Variants in RUSC2 observed in about 807,000 individuals in gnomAD.
The protein encoded by RUSC2 is RUN and SH3 domain containing 2.
A neutral mutation model predicts 122.2 loss-of-function variants in RUSC2; 34 were observed. The ratio of observed to expected loss-of-function variants is 0.28; its 90% CI spans 0.21 to 0.37. The LOEUF (loss-of-function observed/expected upper bound fraction) is 0.37, where lower values mean the gene tolerates loss of function less well. RUSC2 is among the 10% of genes least tolerant of loss of function. The probability of loss-of-function intolerance (pLI) is 1.00; values close to 1 mark genes in which losing one functional copy is unlikely to be tolerated. For missense variants in RUSC2, 1,747 were observed against 1,952.4 expected (o/e 0.89, Z 1.98); for synonymous variants, 784 against 790.0 (o/e 0.99, Z 0.13).
chr9:35,553,208 A>G (rs978137059), intron 2 of RUSC2, among the ~76,000 whole-genome samples: 1 of 152,234 alleles, frequency 6.6e-6, no homozygotes, highest in African/African-American at 2.4e-5. Context: ...GTGGGCAACT[A>G]GCTCACTGAG....
In RUSC2 at chr9:35,561,435, G is replaced by T; in HGVS notation, c.*53G>T. 6.9e-7 allele frequency: 1 copy of T among 1,452,524 alleles called. No homozygotes were observed. Among genetic ancestry groups the T allele is most frequent in the Non-Finnish European group, 9.4e-7 (1 of 1,067,402 alleles). The allele number at this position is 1,452,524 out of a possible 1,614,324, so 90.0% of individuals were successfully genotyped here. On this transcript the variant is annotated 3_prime_UTR_variant, in exon 12 of 12. Transcript: ENST00000361226. The stretch of plus-strand genomic sequence containing the variant: ...GACCCTCATAACCCCCAGACTCAGA[G>T]CCCGAGAGCCCTTCCCAAGCCATTG...
rs111538554 is a variant in RUSC2, at chr9:35,507,526, T to C, written c.-93+17354T>C. 5.0e-3 allele frequency: 922 copies of C among 184,078 alleles called. 15 individuals are homozygous for C. Among genetic ancestry groups the C allele is most frequent in the African/African-American group, 0.021 (883 of 42,368 alleles). 11.4% of individuals were successfully genotyped at this position (184,078 alleles called of 1,614,324 possible). A position where few individuals can be genotyped will look rare whatever the true frequency, so the allele number is the denominator to read the frequency against. On this transcript the variant is annotated intron_variant, in intron 1 of 11. Coordinates refer to ENST00000361226, the MANE Select transcript of RUSC2 (RefSeq NM_014806.5). ...CAGGCCAGCATATTTAGCATCACTC[T>C]AAATTCATCATTACCAGCTGACAGC... is the stretch of plus-strand genomic sequence containing the variant.
intron 1 of RUSC2, among the ~76,000 whole-genome samples, chr9:35,528,492 C>T (rs1383931441): frequency 6.7e-6 from 1 of 149,736 alleles, no homozygotes; most frequent in Non-Finnish European, 1.5e-5. Context: ...GCAGAATTCT[C>T]TTTATGCGAT....
chr9:35,505,993 C>G (rs565078482), intron 1 of RUSC2, among the ~76,000 whole-genome samples: 3 of 152,152 alleles, frequency 2.0e-5, no homozygotes, highest in African/African-American at 7.2e-5. Context: ...CTAGTCATAA[C>G]AATTAGGCAA....
intron 1 of RUSC2, chr9:35,507,684 T>C: frequency 1.3e-5 from 3 of 232,966 alleles, no homozygotes. Context: ...AAAGCAGCAT[T>C]ATGACAGGAA....
chr9:35,556,000 A>G lies in RUSC2; in HGVS notation c.2705A>G (p.Lys902Arg). 1 of 1,614,232 alleles carries G rather than the reference A, an allele frequency of 6.2e-7. No individual in the cohort carries two copies. Among genetic ancestry groups the G allele is most frequent in the Non-Finnish European group, 8.5e-7 (1 of 1,180,026 alleles). The change falls in exon 4 of 12, where the codon AAG (lysine) becomes AGG (arginine). Residue 902 changes from lysine to arginine, a missense_variant. Coordinates refer to ENST00000361226, the MANE Select transcript of RUSC2 (RefSeq NM_014806.5). This position sits in a 1 kb window ranked among gnomAD's most constrained non-coding sequence, Gnocchi z 4.6. ...CTCAAGTGGCGGGAATACAGGAGGAAGAACCCACTAGGGCCACCTGGTTTG... is the reference window on the plus strand; with the variant it reads ...CTCAAGTGGCGGGAATACAGGAGGAGGAACCCACTAGGGCCACCTGGTTTG... ...QALKWREYRR[K>R]NPLGPPGLSG...
intron 11 of RUSC2, 28 bp from the exon 12 acceptor site, chr9:35,561,151 TTC>T: frequency 6.2e-7 from 1 of 1,613,390 alleles, no homozygotes. Context: ...TTGAGGGGGT[TTC>T]TCTGACCTCC....
At chr9:35,516,443 A>AG (rs913534909) in intron 1 of RUSC2, among the ~76,000 whole-genome samples, 17 of 152,268 alleles carry the variant, frequency 1.1e-4, no homozygotes, top group African/African-American at 4.1e-4. Flanking sequence ...CTTGGGGGAA[A>AG]GAAAAAAAAA....
At position 35,561,356 on chromosome 9, in the gene RUSC2, C is replaced by T. The variant is rs756045672; in HGVS notation, c.4525C>T (p.Pro1509Ser). 1.1e-5 allele frequency: 17 copies of T among 1,613,362 alleles called. No individual in the cohort carries two copies. Among genetic ancestry groups the T allele is most frequent in the Non-Finnish European group, 1.4e-5 (16 of 1,179,668 alleles). The change falls in exon 12 of 12, where the codon CCA becomes TCA. Residue 1509 changes from proline to serine, a missense_variant. Transcript: ENST00000361226. ...AYVTLTPTPS[P>S]TPGSSQN Reference sequence around the variant, plus strand: ...CGTGACATTGACCCCAACTCCAAGTCCAACCCCTGGAAGCAGCCAAAACTG... The same window carrying T: ...CGTGACATTGACCCCAACTCCAAGTTCAACCCCTGGAAGCAGCCAAAACTG...
At position 35,560,795 on chromosome 9, in the gene RUSC2, G is replaced by C; in HGVS notation, c.4155G>C (p.Lys1385Asn). The C allele has an allele frequency of 6.5e-7, 1 of 1,530,644 alleles. No individual in the cohort carries two copies. The highest frequency in any genetic ancestry group is 1.3e-5 in the South Asian group (1 of 76,274). The allele number at this position is 1,530,644 out of a possible 1,614,324, so 94.8% of individuals were successfully genotyped here. A position where few individuals can be genotyped will look rare whatever the true frequency, so the allele number is the denominator to read the frequency against. ...CAGAGCCTTCACCTGGAGGCATCAA[G>C]TGGGGACACCTCTTTGGCTCCCGAA... ...GASEPSPGGIKWGHLFGSRKA... is the reference protein window; with the variant it reads ...GASEPSPGGINWGHLFGSRKA... Residue 1385 changes from lysine to asparagine, a missense_variant, in exon 10 of 12, where the codon AAG becomes AAC. Coordinates refer to ENST00000361226, the MANE Select transcript of RUSC2 (RefSeq NM_014806.5).
At chr9:35,550,689 A>T (rs1821872758) in intron 2 of RUSC2, among the ~76,000 whole-genome samples, 1 of 152,108 alleles carries the variant, frequency 6.6e-6, no homozygotes. Flanking sequence ...TCCAGGGAGA[A>T]TGTGTTGAGT....
In RUSC2 at chr9:35,557,831, C is replaced by T; in HGVS notation, c.2984-83C>T. The T allele has an allele frequency of 8.5e-7, 1 of 1,172,228 alleles. No homozygotes were observed. The highest frequency in any genetic ancestry group is 1.2e-5 in the South Asian group (1 of 81,876). The allele number at this position is 1,172,228 out of a possible 1,614,324, so 72.6% of individuals were successfully genotyped here. ...CGGAGTAAGTGTGGGAGCCCTTTCC[C>T]TGAGGAAACCTGAGGTTTCAGCCCC... On this transcript the variant is annotated intron_variant, in intron 5 of 11. Coordinates refer to ENST00000361226, the MANE Select transcript of RUSC2 (RefSeq NM_014806.5). This position sits in a 1 kb window ranked among gnomAD's most constrained non-coding sequence, Gnocchi z 4.6.
intron 1 of RUSC2, among the ~76,000 whole-genome samples, chr9:35,541,452 A>AT (rs1170147201): frequency 1.2e-3 from 174 of 141,428 alleles, no homozygotes; most frequent in South Asian, 4.1e-3. Flanking sequence ...GTTTACTCTC[A>AT]TTTTTTTTTT....
At chr9:35,496,145 C>T (rs1820708448) in intron 1 of RUSC2, among the ~76,000 whole-genome samples, 1 of 151,976 alleles carries the variant, frequency 6.6e-6, no homozygotes. Context: ...AGACAGAGTC[C>T]GAACGAGAAG....
In RUSC2 at chr9:35,561,652, G is replaced by C. The variant is rs1822180415; in HGVS notation, c.*270G>C. 1.8e-6 allele frequency: 1 copy of C among 550,768 alleles called. No individual in the cohort carries two copies. Among genetic ancestry groups the C allele is most frequent in the Non-Finnish European group, 3.2e-6 (1 of 313,498 alleles). The allele number at this position is 550,768 out of a possible 1,614,324, so 34.1% of individuals were successfully genotyped here. A position where few individuals can be genotyped will look rare whatever the true frequency, so the allele number is the denominator to read the frequency against. On this transcript the variant is annotated 3_prime_UTR_variant, in exon 12 of 12. Coordinates refer to ENST00000361226, the MANE Select transcript of RUSC2 (RefSeq NM_014806.5). ...GCCCGTCTGGGCCAACCCTTCCATG[G>C]GTGAAGACAAGCAAGTCCCCCTGGA...
chr9:35,561,431 C>G lies in RUSC2; in HGVS notation c.*49C>G. ...CAGGGACCCTCATAACCCCCAGACTCAGAGCCCGAGAGCCCTTCCCAAGCC... is the reference window on the plus strand; with the variant it reads ...CAGGGACCCTCATAACCCCCAGACTGAGAGCCCGAGAGCCCTTCCCAAGCC... On this transcript the variant is annotated 3_prime_UTR_variant, in exon 12 of 12. Coordinates refer to ENST00000361226, the MANE Select transcript of RUSC2 (RefSeq NM_014806.5). The G allele has an allele frequency of 1.3e-6, 2 of 1,494,194 alleles. No homozygotes were observed. The highest frequency in any genetic ancestry group is 9.1e-7 in the Non-Finnish European group (1 of 1,100,078). 92.6% of individuals were successfully genotyped at this position (1,494,194 alleles called of 1,614,324 possible). A position where few individuals can be genotyped will look rare whatever the true frequency, so the allele number is the denominator to read the frequency against.
chr9:35,508,164 C>T (rs1338804980), intron 1 of RUSC2, among the ~76,000 whole-genome samples: 2 of 152,162 alleles, frequency 1.3e-5, no homozygotes, highest in African/African-American at 4.8e-5. Context: ...CTTCCTACCA[C>T]CAATCTGCAA....
In RUSC2 at chr9:35,561,499, T is replaced by A; in HGVS notation, c.*117T>A. 1 of 812,242 alleles carries A rather than the reference T, an allele frequency of 1.2e-6. No homozygotes were observed. Among genetic ancestry groups the A allele is most frequent in the Non-Finnish European group, 2.0e-6 (1 of 510,768 alleles). 50.3% of individuals were successfully genotyped at this position (812,242 alleles called of 1,614,324 possible). On this transcript the variant is annotated 3_prime_UTR_variant, in exon 12 of 12. Coordinates refer to ENST00000361226, the MANE Select transcript of RUSC2 (RefSeq NM_014806.5). Reference sequence around the variant, plus strand: ...GTAGACTGAGAGCTGGGGCCACGTATCCCTGTGCTGGCACCTGCTCCCTGT... The same window carrying A: ...GTAGACTGAGAGCTGGGGCCACGTAACCCTGTGCTGGCACCTGCTCCCTGT...
At chr9:35,522,894 G>A (rs1029108360) in intron 1 of RUSC2, among the ~76,000 whole-genome samples, 3 of 152,304 alleles carry the variant, frequency 2.0e-5, no homozygotes, top group Non-Finnish European at 2.9e-5. Flanking sequence ...AGTACCTTCT[G>A]TTGATTTCCA....
Sources: gnomAD v4.1 joint callset for allele counts (sites outside exome capture counted in the v4.1 genomes callset) on GRCh38, gnomAD v4.1.1 for gene constraint, Gnocchi (gnomAD v3.1) non-coding constraint, MANE v1.5 for transcripts, NCBI Gene and HGNC (gene_info 2026-07-23, HGNC 2026-07-21) for gene names.